Variants in DLGAP1 observed in about 807,000 individuals in gnomAD.
DLGAP1 encodes disks large-associated protein 1.
A neutral mutation model predicts 90.8 loss-of-function variants in DLGAP1; 11 were observed. That is an observed-to-expected ratio of 0.12 (90% CI 0.08 to 0.20). The LOEUF is 0.20. DLGAP1 is among the 10% of genes least tolerant of loss of function. The pLI, the probability that DLGAP1 is intolerant of heterozygous loss-of-function variation, is 1.00. For synonymous variants in DLGAP1, 558 were observed against 540.7 expected (o/e 1.03, Z -0.44); for missense variants, 1,050 against 1,333.8 (o/e 0.79, Z 3.31).
intron 5 of DLGAP1, among the ~76,000 whole-genome samples, chr18:3,752,447 A>G (rs1411083986): frequency 2.6e-5 from 4 of 151,504 alleles, no homozygotes; most frequent in East Asian, 1.9e-4. Flanking sequence ...GAATCATACA[A>G]TCCGTGGCCT....
chr18:4,359,359 A>C (rs1047023683), intron 1 of DLGAP1, among the ~76,000 whole-genome samples: 4 of 152,228 alleles, frequency 2.6e-5, no homozygotes, highest in African/African-American at 9.6e-5. Context: ...CCTGGAGGAA[A>C]GGAACGTCTT....
At chr18:4,236,783 C>T (rs1296803281) in intron 1 of DLGAP1, among the ~76,000 whole-genome samples, 3 of 151,878 alleles carry the variant, frequency 2.0e-5, no homozygotes, top group Admixed American at 6.6e-5. Flanking sequence ...CATGTAAGGC[C>T]ATGTCTCTAC....
intron 2 of DLGAP1, among the ~76,000 whole-genome samples, chr18:4,133,463 G>C (rs1389212874): frequency 6.6e-6 from 1 of 152,272 alleles, no homozygotes; most frequent in African/African-American, 2.4e-5. Flanking sequence ...TGAAATTAAT[G>C]GGATCTTTTA....
chr18:4,214,257 G>C (rs1335789085), intron 1 of DLGAP1, among the ~76,000 whole-genome samples: 1 of 151,978 alleles, frequency 6.6e-6, no homozygotes, highest in African/African-American at 2.4e-5. Context: ...GATGGGAACC[G>C]GAGTCGTGGA....
At chr18:3,646,878 T>TTG (rs2059139231) in intron 7 of DLGAP1, among the ~76,000 whole-genome samples, 2 of 151,950 alleles carry the variant, frequency 1.3e-5, no homozygotes, top group South Asian at 4.2e-4. Flanking sequence ...TGAGCCAAGA[T>TTG]CGAACTACTG....
At chr18:3,588,971 C>T (rs533980763) in intron 7 of DLGAP1, among the ~76,000 whole-genome samples, 7 of 152,078 alleles carry the variant, frequency 4.6e-5, no homozygotes, top group African/African-American at 1.7e-4. Flanking sequence ...AATTTGAGGT[C>T]GCGAGTTCGA....
chr18:3,724,656 G>A (rs1273394037), intron 7 of DLGAP1, among the ~76,000 whole-genome samples: 11 of 152,004 alleles, frequency 7.2e-5, no homozygotes, highest in Admixed American at 5.3e-4. Flanking sequence ...GAGGTGGGAG[G>A]ATCACTTGAG....
chr18:4,197,045 C>A (rs367584688), intron 1 of DLGAP1, among the ~76,000 whole-genome samples: 11 of 151,386 alleles, frequency 7.3e-5, no homozygotes, highest in Non-Finnish European at 1.5e-4. Context: ...TGGTGGTGGG[C>A]GCCTGTAATT....
In DLGAP1 at chr18:4,404,462, A is replaced by G. The variant is rs553747184; in HGVS notation, c.-267+50544T>C. Reference sequence around the variant, plus strand: ...GTTGGAATAAAGCTTAAACAACAACAAAATATAAATGCCACAGGTAATAGC... The same window carrying G: ...GTTGGAATAAAGCTTAAACAACAACGAAATATAAATGCCACAGGTAATAGC... On this transcript the variant is annotated intron_variant, in intron 1 of 12. Coordinates refer to ENST00000315677, the MANE Select transcript of DLGAP1 (RefSeq NM_004746.4). Among the ~76,000 whole-genome samples, 119 of 152,340 alleles carry G rather than the reference A, an allele frequency of 7.8e-4. 1 individual carries two copies. Among genetic ancestry groups the G allele is most frequent in the African/African-American group, 2.7e-3 (113 of 41,582 alleles).
chr18:4,198,158 T>C (rs2077536867), intron 1 of DLGAP1, among the ~76,000 whole-genome samples: 1 of 152,016 alleles, frequency 6.6e-6, no homozygotes, highest in South Asian at 2.1e-4. Context: ...AAGGTGGAGT[T>C]TGCAGTGAGC....
chr18:4,229,974 A>G (rs1331356381), intron 1 of DLGAP1, among the ~76,000 whole-genome samples: 2 of 152,142 alleles, frequency 1.3e-5, no homozygotes, highest in South Asian at 2.1e-4. Flanking sequence ...AAAAATGGGC[A>G]AAATATCTGA....
rs1170096554 is a variant in DLGAP1, at chr18:3,508,665, G to T, written c.2480-4C>A. ...GCGGTTCGGATTTTTCCTAGAACTGGAAAGAGCAAACATACGAGAAATTTA... is the reference window on the plus strand; with the variant it reads ...GCGGTTCGGATTTTTCCTAGAACTGTAAAGAGCAAACATACGAGAAATTTA... On this transcript the variant is annotated splice_polypyrimidine_tract_variant and splice_region_variant and intron_variant, in intron 10 of 12. Transcript: ENST00000315677. 1.1e-5 allele frequency: 18 copies of T among 1,611,380 alleles called. No homozygotes were observed. The highest frequency in any genetic ancestry group is 1.5e-5 in the Non-Finnish European group (18 of 1,178,296).
chr18:4,118,940 C>T (rs1030256894), intron 2 of DLGAP1, among the ~76,000 whole-genome samples: 1 of 152,110 alleles, frequency 6.6e-6, no homozygotes, highest in Non-Finnish European at 1.5e-5. Context: ...ACTCTTCACT[C>T]TTCTCTGGAG....
chr18:3,866,631 T>C (rs2070403033), intron 4 of DLGAP1, among the ~76,000 whole-genome samples: 1 of 152,226 alleles, frequency 6.6e-6, no homozygotes, highest in South Asian at 2.1e-4. Flanking sequence ...AGTGATACTT[T>C]GAGTTGTTCC....
chr18:3,507,228 G>GT (rs1283275817), intron 11 of DLGAP1, among the ~76,000 whole-genome samples: 1 of 152,170 alleles, frequency 6.6e-6, no homozygotes, highest in Non-Finnish European at 1.5e-5. Flanking sequence ...TGGCGTGCCT[G>GT]TAATACCAGC....
intron 7 of DLGAP1, among the ~76,000 whole-genome samples, chr18:3,637,978 G>C (rs1347652782): frequency 7.5e-6 from 1 of 133,400 alleles, no homozygotes; most frequent in East Asian, 2.2e-4. Flanking sequence ...ACGGAGTCTG[G>C]CTCTGTTGCC....
At position 4,239,603 on chromosome 18, in the gene DLGAP1, C is replaced by G. The variant is rs562346094; in HGVS notation, c.-266-88316G>C. The stretch of plus-strand genomic sequence containing the variant: ...ATAGTCTCACATTATAAAAATTAGC[C>G]CACATTCATGTGATATTCAGGGTAA... On this transcript the variant is annotated intron_variant, in intron 1 of 12. Coordinates refer to ENST00000315677, the MANE Select transcript of DLGAP1 (RefSeq NM_004746.4). 1.1e-3 allele frequency among the ~76,000 whole-genome samples: 161 copies of G among 152,170 alleles called. 1 individual carries two copies. The Middle Eastern group carries it at 0.02, about 19-fold the overall frequency.
intron 3 of DLGAP1, among the ~76,000 whole-genome samples, chr18:3,895,305 ACACACACACACAC>A (rs1347239664): frequency 1.3e-5 from 2 of 151,010 alleles, no homozygotes; most frequent in African/African-American, 2.4e-5. Context: ...ACACACACAC[ACACACACACACAC>A]ACATCATCAT....
chr18:3,801,397 G>C (rs1403730980), intron 5 of DLGAP1, among the ~76,000 whole-genome samples: 2 of 152,116 alleles, frequency 1.3e-5, no homozygotes, highest in East Asian at 3.8e-4. Context: ...CCCTGCAGCA[G>C]TACAACTTTC....
Sources: gnomAD v4.1 joint callset for allele counts (sites outside exome capture counted in the v4.1 genomes callset) on GRCh38, gnomAD v4.1.1 for gene constraint, MANE v1.5 for transcripts, NCBI Gene and HGNC (gene_info 2026-07-23, HGNC 2026-07-21) for gene names.